The following AK8 variants were observed in gnomAD, a reference collection of about 807,000 sequenced individuals.
The protein encoded by AK8 is adenylate kinase 8, also known as ATP-AMP transphosphorylase 8.
Under a neutral mutation model 54.6 loss-of-function variants are expected in AK8, and 44 were observed. The ratio of observed to expected loss-of-function variants is 0.81; its 90% confidence interval spans 0.63 to 1.04. The LOEUF (loss-of-function observed/expected upper bound fraction) is 1.04. Among genes scored for constraint, AK8 ranks in the 50% least tolerant of loss-of-function variants. AK8 has a pLI of 0.00. For missense variants in AK8, 555 were observed against 613.6 expected (o/e 0.90, Z 1.01); for synonymous variants, 239 against 245.6 (o/e 0.97, Z 0.25).
chr9:132,746,730 A>C lies in AK8; in HGVS notation c.1122-19196T>G, dbSNP rs533293310. ...TGAGGTCTACAAGAATGCCTTACGG[A>C]GGCAGCAAAATAGATCCAGGTGGAA... is the stretch of plus-strand genomic sequence containing the variant. On this transcript the variant is annotated intron_variant, in intron 11 of 12. Transcript: ENST00000298545. 2.0e-5 allele frequency among the ~76,000 whole-genome samples: 3 copies of C among 152,208 alleles called. No individual in the cohort carries two copies. In the East Asian group the frequency reaches 5.8e-4, roughly 29 times the overall value.
At chr9:132,823,361 A>G in intron 8 of AK8, 25 bp from the exon 9 acceptor site, 1 of 1,612,878 alleles carries the variant, frequency 6.2e-7, no homozygotes, top group Non-Finnish European at 8.5e-7. Flanking sequence ...TATGAGGATA[A>G]TAAACCCAGG....
intron 4 of AK8, among the ~76,000 whole-genome samples, chr9:132,856,567 G>A (rs1843179337): frequency 6.6e-6 from 1 of 152,144 alleles, no homozygotes. Context: ...ATCCAGAGGA[G>A]GGCCCTGACT....
At chr9:132,834,305 T>C (rs1032926001) in intron 5 of AK8, among the ~76,000 whole-genome samples, 1 of 152,152 alleles carries the variant, frequency 6.6e-6, no homozygotes, top group Non-Finnish European at 1.5e-5. Flanking sequence ...TGAGACTACC[T>C]TGATGAACAT....
intron 11 of AK8, among the ~76,000 whole-genome samples, chr9:132,761,264 C>T (rs73546909): frequency 0.057 from 5,693 of 99,154 alleles, 421 homozygotes; most frequent in African/African-American, 0.21. Context: ...CTTTTCTTTT[C>T]TTTTCTTTTT....
At chr9:132,811,082 C>T (rs938331449) in intron 10 of AK8, among the ~76,000 whole-genome samples, 2 of 152,156 alleles carry the variant, frequency 1.3e-5, no homozygotes, top group African/African-American at 2.4e-5. Context: ...ACCAACCTCA[C>T]CGACAATCAT....
chr9:132,771,284 G>A lies in AK8; in HGVS notation c.1121+21350C>T, dbSNP rs535722059. On this transcript the variant is annotated intron_variant, in intron 11 of 12. Coordinates refer to ENST00000298545, the MANE Select transcript of AK8 (RefSeq NM_152572.3). ...CAGGGCCTGGCCCTCCTGCCCACAGGAGACAAGAGACTATGGAGGAAAGTG... is the reference window on the plus strand; with the variant it reads ...CAGGGCCTGGCCCTCCTGCCCACAGAAGACAAGAGACTATGGAGGAAAGTG... 2.0e-5 allele frequency among the ~76,000 whole-genome samples: 3 copies of A among 152,342 alleles called. No individual in the cohort carries two copies. In the South Asian group the frequency reaches 6.2e-4, roughly 32 times the overall value.
In AK8 at chr9:132,727,969, GC is replaced by G. The variant is rs533502056; in HGVS notation, c.1122-436del. 4.5e-3 allele frequency among the ~76,000 whole-genome samples: 690 copies of G among 152,250 alleles called. 2 individuals carry two copies. The highest frequency in any genetic ancestry group is 7.9e-3 in the Non-Finnish European group (540 of 67,998). On this transcript the variant is annotated intron_variant, in intron 11 of 12. Coordinates refer to ENST00000298545, the MANE Select transcript of AK8 (RefSeq NM_152572.3). ...CCCCAGGTCCTGCAGGGCATGGTGTGCCCCCCTTTTCCTGGGAGCTGTGAGT... is the reference window on the plus strand; with the variant it reads ...CCCCAGGTCCTGCAGGGCATGGTGTGCCCCCTTTTCCTGGGAGCTGTGAGT...
chr9:132,777,824 A>C (rs1839288213), intron 11 of AK8, among the ~76,000 whole-genome samples: 1 of 152,216 alleles, frequency 6.6e-6, no homozygotes, highest in South Asian at 2.1e-4. Flanking sequence ...TTAAAGAAAG[A>C]GAAGAGCCCA....
chr9:132,811,304 G>A (rs577100853), intron 10 of AK8, among the ~76,000 whole-genome samples: 3 of 152,308 alleles, frequency 2.0e-5, no homozygotes, highest in Admixed American at 1.3e-4. Context: ...ATCCTGGATC[G>A]TTCTGGGTCA....
At chr9:132,855,122 C>G (rs935624886) in intron 4 of AK8, among the ~76,000 whole-genome samples, 197 bp from the exon 5 acceptor site, 1 of 152,112 alleles carries the variant, frequency 6.6e-6, no homozygotes. Flanking sequence ...GCCTCCCTCA[C>G]ACATGTACTC....
In AK8 at chr9:132,740,505, A is replaced by G. The variant is rs2130973127; in HGVS notation, c.1122-12971T>C. Among the ~76,000 whole-genome samples the G allele has an allele frequency of 2.0e-5, 3 of 152,284 alleles. 1 individual carries two copies. The South Asian group carries it at 6.2e-4, about 32-fold the overall frequency. ...GTGGCCGTGTGTGGTGGGCTGAGTT[A>G]CTTGCTTTGAGCCTTCTCCAGAGGT... On this transcript the variant is annotated intron_variant, in intron 11 of 12. Coordinates refer to ENST00000298545, the MANE Select transcript of AK8 (RefSeq NM_152572.3).
At chr9:132,832,634 G>C (rs1274118302) in intron 5 of AK8, among the ~76,000 whole-genome samples, 1 of 152,142 alleles carries the variant, frequency 6.6e-6, no homozygotes, top group Non-Finnish European at 1.5e-5. Flanking sequence ...ACTGAAAAAG[G>C]CCTCTGCTTT....
chr9:132,859,209 A>T (rs1213217736), intron 4 of AK8, among the ~76,000 whole-genome samples: 2 of 152,094 alleles, frequency 1.3e-5, no homozygotes, highest in African/African-American at 4.8e-5. Flanking sequence ...AACTACTTGG[A>T]GGGGACTATG....
At chr9:132,852,769 C>CAAAAAAAAAAAAAAAAAAAAAA (rs35786801) in intron 5 of AK8, among the ~76,000 whole-genome samples, 3 of 16,422 alleles carry the variant, frequency 1.8e-4, no homozygotes, top group African/African-American at 3.9e-4. Context: ...GATTAGGTCT[C>CAAAAAAAAAAAAAAAAAAAAAA]AAAAAAAAAA....
intron 3 of AK8, 109 bp from the exon 4 acceptor site, chr9:132,863,887 TG>T: frequency 3.6e-6 from 3 of 832,432 alleles, no homozygotes; most frequent in Non-Finnish European, 3.8e-6. Context: ...AGGTTGGCCA[TG>T]GGGAAGCACA....
chr9:132,746,714 C>T (rs950171137), intron 11 of AK8, among the ~76,000 whole-genome samples: 2 of 152,154 alleles, frequency 1.3e-5, no homozygotes, highest in Admixed American at 1.3e-4. Flanking sequence ...GTGAGGTCTA[C>T]AAGAATGCCT....
chr9:132,798,695 T>G (rs2519084), intron 10 of AK8, among the ~76,000 whole-genome samples: 136,202 of 150,346 alleles, frequency 0.91, 61,804 homozygotes, highest in African/African-American at 0.96. Flanking sequence ...GTTTGTTTTT[T>G]TTTTTTTTTT....
At position 132,770,476 on chromosome 9, in the gene AK8, A is replaced by G. The variant is rs894582681; in HGVS notation, c.1121+22158T>C. 1.3e-5 allele frequency among the ~76,000 whole-genome samples: 2 copies of G among 152,032 alleles called. No individual in the cohort carries two copies. Among genetic ancestry groups the G allele is most frequent in the African/African-American group, 4.8e-5 (2 of 41,410 alleles). On this transcript the variant is annotated intron_variant, in intron 11 of 12. Coordinates refer to ENST00000298545, the MANE Select transcript of AK8 (RefSeq NM_152572.3). The surrounding 1 kb of genome is among the most constrained non-coding windows in gnomAD (Gnocchi z 4.3). The stretch of plus-strand genomic sequence containing the variant: ...TAGGGGGTGGGGCAGGGGCGAGGGG[A>G]CACCCTGTGGAGGAGCGGGCTGGGA...
chr9:132,805,433 C>G (rs111595454), intron 10 of AK8, among the ~76,000 whole-genome samples: 28 of 152,210 alleles, frequency 1.8e-4, no homozygotes, highest in African/African-American at 6.5e-4. Flanking sequence ...CGGCAGCGCC[C>G]ATTCTTCTTG....
Sources: gnomAD v4.1 joint callset for allele counts (sites outside exome capture counted in the v4.1 genomes callset) on GRCh38, gnomAD v4.1.1 for gene constraint, Gnocchi (gnomAD v3.1) non-coding constraint, MANE v1.5 for transcripts, NCBI Gene and HGNC (gene_info 2026-07-23, HGNC 2026-07-21) for gene names.